The following RB1CC1 variants were observed in gnomAD, a reference collection of about 807,000 sequenced individuals.
RB1CC1 encodes the protein RB1-inducible coiled-coil protein 1.
RB1CC1 carries 46 observed loss-of-function variants against 177.5 expected under a neutral mutation model. That is an observed-to-expected ratio of 0.26 (90% CI 0.20 to 0.33). The LOEUF is 0.33. Ranked by LOEUF, RB1CC1 falls within the 10% of genes least tolerant of loss-of-function variation. The pLI is 1.00. For synonymous variants in RB1CC1, 666 were observed against 613.6 expected, an observed-to-expected ratio of 1.09 and a Z score of -1.26; for missense variants, 1,703 against 1,816.3, an observed-to-expected ratio of 0.94 and a Z score of 1.13.
intron 8 of RB1CC1, among the ~76,000 whole-genome samples, chr8:52,662,362 T>C (rs974464716): frequency 6.6e-6 from 1 of 152,080 alleles, no homozygotes; most frequent in Non-Finnish European, 1.5e-5. Context: ...ACGGTGTATC[T>C]GTCAAGTAGG....
At chr8:52,689,591 A>G (rs945813685) in intron 1 of RB1CC1, among the ~76,000 whole-genome samples, 2 of 152,196 alleles carry the variant, frequency 1.3e-5, no homozygotes, top group African/African-American at 2.4e-5. Flanking sequence ...TTAAATGACA[A>G]TAACACCTAA....
intron 20 of RB1CC1, among the ~76,000 whole-genome samples, chr8:52,631,972 T>G (rs1848798470): frequency 6.6e-6 from 1 of 152,212 alleles, no homozygotes; most frequent in Non-Finnish European, 1.5e-5. Context: ...TTTTCTCATC[T>G]TCAATGAAAC....
At chr8:52,687,450 G>A (rs1287014920) in intron 1 of RB1CC1, among the ~76,000 whole-genome samples, 1 of 152,128 alleles carries the variant, frequency 6.6e-6, no homozygotes, top group Non-Finnish European at 1.5e-5. Flanking sequence ...GGCAGGGCCT[G>A]TGATCTGTTT....
chr8:52,711,298 A>G (rs762848360), intron 1 of RB1CC1, among the ~76,000 whole-genome samples: 3 of 152,162 alleles, frequency 2.0e-5, no homozygotes, highest in Non-Finnish European at 4.4e-5. Flanking sequence ...TCCTCTCAGG[A>G]CCCTAAACAA....
chr8:52,694,294 G>C (rs1855171784), intron 1 of RB1CC1, among the ~76,000 whole-genome samples: 1 of 152,194 alleles, frequency 6.6e-6, no homozygotes, highest in South Asian at 2.1e-4. Flanking sequence ...TCAGGAAGAA[G>C]AGGAGGGTGA....
intron 15 of RB1CC1, among the ~76,000 whole-genome samples, chr8:52,651,279 T>A (rs996625140): frequency 2.6e-5 from 4 of 152,140 alleles, no homozygotes; most frequent in African/African-American, 9.7e-5. Context: ...GAAAATGAGA[T>A]GGCAAAATGA....
chr8:52,676,282 T>C, intron 6 of RB1CC1, 87 bp downstream of exon 6: 4 of 1,250,866 alleles, frequency 3.2e-6, no homozygotes, highest in South Asian at 1.3e-5. Context: ...ATATGGCCTA[T>C]AAGAAACAAA....
chr8:52,714,227 G>A lies in RB1CC1; in HGVS notation c.-319C>T, dbSNP rs1357453391. On this transcript the variant is annotated 5_prime_UTR_variant, in exon 1 of 24. Coordinates refer to ENST00000025008, the MANE Select transcript of RB1CC1 (RefSeq NM_014781.5). ...CCGCCGGCGTCCCGGGCGCCCGCCC[G>A]CCGCGGCCCCGAACTCTAGGAGGCA... The A allele has an allele frequency of 8.9e-6, 2 of 225,756 alleles. No individual in the cohort carries two copies. Among genetic ancestry groups the A allele is most frequent in the Admixed American group, 6.4e-5 (1 of 15,524 alleles). The allele number at this position is 225,756 out of a possible 1,614,324, so 14.0% of individuals were successfully genotyped here.
At chr8:52,638,244 G>A (rs1442053090) in intron 18 of RB1CC1, among the ~76,000 whole-genome samples, 1 of 152,094 alleles carries the variant, frequency 6.6e-6, no homozygotes, top group Non-Finnish European at 1.5e-5. Flanking sequence ...ATAATCATGT[G>A]TTTTTCTGTC....
intron 7 of RB1CC1, among the ~76,000 whole-genome samples, chr8:52,669,432 TAC>T (rs1179685852): frequency 6.6e-6 from 1 of 152,172 alleles, no homozygotes; most frequent in Non-Finnish European, 1.5e-5. Flanking sequence ...CTGCCTTCTC[TAC>T]AGTCGGAAAA....
chr8:52,659,251 C>T (rs1209766435), intron 12 of RB1CC1, among the ~76,000 whole-genome samples: 2 of 152,066 alleles, frequency 1.3e-5, no homozygotes, highest in East Asian at 1.9e-4. Context: ...TTACAATATT[C>T]CTATCCTGTA....
rs779145642 is a variant in RB1CC1, at chr8:52,658,963, C to T, written c.1703G>A (p.Arg568Gln). ...WPPSFCTQKPRKFDCELPDIS... is the reference protein window; with the variant it reads ...WPPSFCTQKPQKFDCELPDIS... The stretch of plus-strand genomic sequence containing the variant: ...ATCTGGAAGTTCACAGTCAAACTTT[C>T]GAGGCTTTTGAGTCTGTACCAAAAA... The change falls in exon 13 of 24, where the codon CGA (arginine) becomes CAA (glutamine). Residue 568 changes from arginine to glutamine, a missense_variant. By Grantham distance (43) the Arg-to-Gln change is conservative. Transcript: ENST00000025008. 13 of 1,551,628 alleles carry T rather than the reference C, an allele frequency of 8.4e-6. No individual in the cohort carries two copies. In the East Asian group the frequency reaches 9.6e-5, roughly 11 times the overall value.
intron 1 of RB1CC1, among the ~76,000 whole-genome samples, chr8:52,693,625 T>C (rs529121873): frequency 4.0e-5 from 6 of 151,860 alleles, no homozygotes; most frequent in Middle Eastern, 3.4e-3. Flanking sequence ...TTGGTGGGAG[T>C]GTAAATTAGT....
At chr8:52,668,944 T>C (rs968478412) in intron 7 of RB1CC1, among the ~76,000 whole-genome samples, 5 of 152,338 alleles carry the variant, frequency 3.3e-5, no homozygotes, top group Non-Finnish European at 7.3e-5. Flanking sequence ...TTTTGCTCTG[T>C]CTAATCTTTC....
intron 18 of RB1CC1, among the ~76,000 whole-genome samples, chr8:52,639,747 C>T (rs1849420906): frequency 2.0e-5 from 3 of 152,264 alleles, no homozygotes; most frequent in African/African-American, 4.8e-5. Flanking sequence ...CTCAAGTAAT[C>T]AGTGAGTATG....
intron 1 of RB1CC1, among the ~76,000 whole-genome samples, chr8:52,712,179 T>C (rs1285239616): frequency 6.6e-6 from 1 of 152,204 alleles, no homozygotes; most frequent in Non-Finnish European, 1.5e-5. Flanking sequence ...CCAGTATTAC[T>C]ACAAAAGAAA....
intron 1 of RB1CC1, among the ~76,000 whole-genome samples, chr8:52,707,175 G>A (rs1856636520): frequency 6.6e-6 from 1 of 152,166 alleles, no homozygotes; most frequent in African/African-American, 2.4e-5. Context: ...TGGAAGTTAT[G>A]TAAACCATAA....
rs149441636 is a variant in RB1CC1 at position 52,628,111 on chromosome 8, C to T, written c.4557G>A (p.Val1519=). ...IILDERHDNY[V]LFTVSPTLYF... is the part of the protein sequence containing the mutation. ...ATAAAGTAGGACTAACAGTAAATAA[C>T]ACATAATTGTCATGGCGTTCGTCTA... The change falls in exon 22 of 24, where the codon GTG becomes GTA. Residue 1519 remains valine, a synonymous_variant. Coordinates refer to ENST00000025008, the MANE Select transcript of RB1CC1 (RefSeq NM_014781.5). 2.5e-6 allele frequency: 4 copies of T among 1,607,002 alleles called. No individual in the cohort carries two copies. Among genetic ancestry groups the T allele is most frequent in the South Asian group, 1.1e-5 (1 of 90,662 alleles).
intron 5 of RB1CC1, among the ~76,000 whole-genome samples, chr8:52,681,883 G>A (rs1853768469): frequency 6.6e-6 from 1 of 152,204 alleles, no homozygotes; most frequent in Non-Finnish European, 1.5e-5. Context: ...TGCTGCAGGG[G>A]CAGGGCCCTC....
Sources: gnomAD v4.1 joint callset for allele counts (sites outside exome capture counted in the v4.1 genomes callset) on GRCh38, gnomAD v4.1.1 for gene constraint, MANE v1.5 for transcripts, NCBI Gene and HGNC (gene_info 2026-07-23, HGNC 2026-07-21) for gene names.